The following HLCS variants were observed in gnomAD, a reference collection of about 807,000 sequenced individuals.
HLCS encodes the protein biotin--protein ligase.
HLCS carries 53 observed loss-of-function variants against 75.0 expected under a neutral mutation model. The ratio of observed to expected loss-of-function variants is 0.71; its 90% confidence interval spans 0.57 to 0.89. The LOEUF is 0.89. Ranked by LOEUF, HLCS falls within the 40% of genes least tolerant of loss-of-function variation. HLCS has a pLI of 0.00. For synonymous variants in HLCS, 431 were observed against 428.6 expected, an observed-to-expected ratio of 1.01 and a Z score of -0.07; for missense variants, 966 against 1,074.0, an observed-to-expected ratio of 0.90 and a Z score of 1.41.
At chr21:36,807,029 C>G (rs1359987968) in intron 6 of HLCS, among the ~76,000 whole-genome samples, 1 of 152,224 alleles carries the variant, frequency 6.6e-6, no homozygotes, top group African/African-American at 2.4e-5. Flanking sequence ...CATAGCACGT[C>G]AGCTTGCTTC....
At chr21:36,767,320 C>A (rs2090074835) in intron 6 of HLCS, 35 bp from the exon 7 acceptor site, 1 of 1,596,486 alleles carries the variant, frequency 6.3e-7, no homozygotes, top group Non-Finnish European at 8.6e-7. Flanking sequence ...TTAGGCCAGA[C>A]ATGGACACGC....
intron 6 of HLCS, among the ~76,000 whole-genome samples, chr21:36,806,968 C>T (rs1013917242): frequency 1.3e-5 from 2 of 152,194 alleles, no homozygotes; most frequent in Non-Finnish European, 2.9e-5. Flanking sequence ...CTGTAGTCTG[C>T]CACAGGCCTC....
At chr21:36,871,454 A>G (rs1414315692) in intron 6 of HLCS, among the ~76,000 whole-genome samples, 1 of 152,206 alleles carries the variant, frequency 6.6e-6, no homozygotes, top group African/African-American at 2.4e-5. Context: ...CAAGGAAGGA[A>G]AACAAAGGGA....
rs1003832262 is a variant in HLCS, at chr21:36,821,473, G to A, written c.1893-54188C>T. Among the ~76,000 whole-genome samples, 10 of 152,154 alleles carry A rather than the reference G, an allele frequency of 6.6e-5. 1 individual carries two copies. The highest frequency in any genetic ancestry group is 2.2e-4 in the African/African-American group (9 of 41,428). On this transcript the variant is annotated intron_variant, in intron 6 of 10. Transcript: ENST00000674895. ...GTTCACTGGCATCCCCAGCTAACAC[G>A]GCCACCGTGTCACACTTACCAAAAA...
chr21:36,966,707 C>CAGCGCCCCA, upstream of HLCS: 1 of 810,130 alleles, frequency 1.2e-6, no homozygotes, highest in Non-Finnish European at 1.5e-6. Context: ...GGCCCCGCCC[C>CAGCGCCCCA]GGCCGGAAGG....
At chr21:36,838,404 T>C (rs80233176) in intron 6 of HLCS, among the ~76,000 whole-genome samples, 2,022 of 151,754 alleles carry the variant, frequency 0.013, 37 homozygotes, top group African/African-American at 0.047. Flanking sequence ...GCAGATAGAA[T>C]AGAATTAAAT....
At chr21:36,787,519 G>A (rs372598655) in intron 6 of HLCS, among the ~76,000 whole-genome samples, 5 of 152,150 alleles carry the variant, frequency 3.3e-5, no homozygotes, top group South Asian at 2.1e-4. Context: ...GCCATGCTGC[G>A]TGGGATGCCC....
At chr21:36,942,333 A>G (rs1174611752) in intron 2 of HLCS, among the ~76,000 whole-genome samples, 1 of 137,906 alleles carries the variant, frequency 7.3e-6, no homozygotes, top group Non-Finnish European at 1.5e-5. Context: ...TGAGAGGTGG[A>G]GGTTGTGGTG....
At position 36,755,518 on chromosome 21, in the gene HLCS, C is replaced by T. The variant is rs147871170; in HGVS notation, c.2450+1024G>A. ...TCCCATAAAATTATAATAGCATTAA[C>T]TATGACCACTCAAGAAAGTCTGGAT... On this transcript the variant is annotated intron_variant, in intron 10 of 10. Coordinates refer to ENST00000674895, the MANE Select transcript of HLCS (RefSeq NM_001352514.2). Among the ~76,000 whole-genome samples, 150 of 152,326 alleles carry T rather than the reference C, an allele frequency of 9.8e-4. No individual in the cohort carries two copies. In the Middle Eastern group the frequency reaches 0.014, roughly 14 times the overall value.
chr21:36,887,187 G>A (rs944144351), intron 6 of HLCS, among the ~76,000 whole-genome samples: 2 of 151,802 alleles, frequency 1.3e-5, no homozygotes, highest in Non-Finnish European at 2.9e-5. Context: ...ACCAAGCCGG[G>A]TAGCACCTTG....
intron 6 of HLCS, among the ~76,000 whole-genome samples, chr21:36,816,801 A>G (rs1392243596): frequency 1.3e-5 from 2 of 152,216 alleles, no homozygotes; most frequent in Admixed American, 1.3e-4. Flanking sequence ...CCACGAATCT[A>G]GTAAGTCCTC....
intron 6 of HLCS, among the ~76,000 whole-genome samples, chr21:36,784,506 G>A (rs372852787): frequency 5.3e-5 from 8 of 151,878 alleles, no homozygotes; most frequent in East Asian, 1.9e-4. Context: ...AGTAGAGATC[G>A]GGTTTTGCCA....
intron 6 of HLCS, among the ~76,000 whole-genome samples, chr21:36,861,983 C>A (rs1462015281): frequency 1.3e-5 from 2 of 152,178 alleles, no homozygotes; most frequent in Non-Finnish European, 2.9e-5. Context: ...ATCTATTATA[C>A]TTACTATCCC....
chr21:36,973,227 CTTTTTTTTTTT>C (rs11327894), intron 1 of HLCS, among the ~76,000 whole-genome samples: 1 of 91,070 alleles, frequency 1.1e-5, no homozygotes, highest in Non-Finnish European at 2.1e-5. Context: ...AAGACCCTGT[CTTTTTTTTTTT>C]TTTTTTTTTT....
chr21:36,754,009 A>T lies in HLCS; in HGVS notation c.*237T>A. Reference sequence around the variant, plus strand: ...GCCACAGAGGGGAGAGCAATTTCCCACCTGTGGGAGGGCTTTCCCTAAACT... The same window carrying T: ...GCCACAGAGGGGAGAGCAATTTCCCTCCTGTGGGAGGGCTTTCCCTAAACT... On this transcript the variant is annotated 3_prime_UTR_variant, in exon 11 of 11. Transcript: ENST00000674895. 1 of 574,822 alleles carries T rather than the reference A, an allele frequency of 1.7e-6. No individual in the cohort carries two copies. Among genetic ancestry groups the T allele is most frequent in the Non-Finnish European group, 3.1e-6 (1 of 322,818 alleles). 35.6% of individuals were successfully genotyped at this position (574,822 alleles called of 1,614,324 possible).
intron 6 of HLCS, among the ~76,000 whole-genome samples, chr21:36,806,935 A>T (rs2061378199): frequency 6.6e-6 from 1 of 152,122 alleles, no homozygotes; most frequent in Admixed American, 6.5e-5. Flanking sequence ...CTCCGCCTCC[A>T]CTTTGTCCCT....
chr21:36,920,510 C>CT (rs1415800695), intron 5 of HLCS, among the ~76,000 whole-genome samples: 1 of 151,934 alleles, frequency 6.6e-6, no homozygotes, highest in Non-Finnish European at 1.5e-5. Context: ...GCTCAAATAA[C>CT]TAAAATAATA....
intron 6 of HLCS, among the ~76,000 whole-genome samples, chr21:36,812,152 CT>C (rs1294816999): frequency 6.6e-6 from 1 of 152,156 alleles, no homozygotes; most frequent in Non-Finnish European, 1.5e-5. Context: ...AAGCGAGAGG[CT>C]TGAGGTGTGT....
upstream of HLCS, among the ~76,000 whole-genome samples, chr21:36,969,864 C>T (rs1031359874): frequency 4.6e-5 from 7 of 152,152 alleles, no homozygotes; most frequent in Admixed American, 6.5e-5. Flanking sequence ...TGAGCCACCG[C>T]GCCCGGTCAG....
Sources: allele counts gnomAD v4.1 joint callset (sites outside exome capture counted in the v4.1 genomes callset), GRCh38; gene constraint gnomAD v4.1.1; transcripts MANE v1.5; gene names NCBI Gene and HGNC (gene_info 2026-07-23, HGNC 2026-07-21).